The following HERC1 variants were observed in gnomAD, a reference collection of about 807,000 sequenced individuals.
HERC1 encodes the protein probable E3 ubiquitin-protein ligase HERC1.
HERC1 carries 160 observed loss-of-function variants against 554.3 expected under a neutral mutation model. The ratio of observed to expected loss-of-function variants is 0.29; its 90% CI spans 0.25 to 0.33. HERC1 has a LOEUF of 0.33. Ranked by LOEUF, HERC1 falls within the 10% of genes least tolerant of loss-of-function variation. The pLI is 1.00. For missense variants in HERC1, 4,919 were observed against 5,918.5 expected, an observed-to-expected ratio of 0.83 and a Z score of 5.54; for synonymous variants, 2,175 against 2,131.7, an observed-to-expected ratio of 1.02 and a Z score of -0.56.
Position 63,612,800 on chromosome 15 carries a change from A to C in HERC1, c.14095-244T>G, listed in dbSNP as rs2067658975. Among the ~76,000 whole-genome samples, 2 of 152,156 alleles carry C rather than the reference A, an allele frequency of 1.3e-5. No individual in the cohort carries two copies. The highest frequency in any genetic ancestry group is 2.9e-5 in the Non-Finnish European group (2 of 68,022). On this transcript the variant is annotated intron_variant, in intron 76 of 77. Transcript: ENST00000443617. The surrounding 1 kb of genome is among the most constrained non-coding windows in gnomAD (Gnocchi z 5.0). ...CCTGGTTCCAGTTCAAGTCCAATTT[A>C]GGAGCCTGCCTTCCCTCTACCACAA...
At chr15:63,643,676 T>TCCCC in intron 57 of HERC1, 126 bp from the exon 58 acceptor site, 1 of 608,950 alleles carries the variant, frequency 1.6e-6, no homozygotes, top group Non-Finnish European at 2.8e-6. Context: ...ATAATTTCTC[T>TCCCC]CATAAAGGAT....
intron 1 of HERC1, among the ~76,000 whole-genome samples, chr15:63,795,065 CAAAA>C (rs1177647525): frequency 1.4e-4 from 10 of 68,968 alleles, no homozygotes; most frequent in Non-Finnish European, 2.3e-4. Flanking sequence ...GACTCTGTCT[CAAAA>C]AAAAAAAAAA....
rs748825277 is a variant in HERC1, at chr15:63,756,938, C to T, written c.1222-190G>A. On this transcript the variant is annotated intron_variant, in intron 4 of 77. Transcript: ENST00000443617. The surrounding 1 kb of genome is among the most constrained non-coding windows in gnomAD (Gnocchi z 5.0). Reference sequence around the variant, plus strand: ...CCTTTTCATGCTCACAACTTTGTTGCTGAGTTCAAATTCTTCATGTATATG... The same window carrying T: ...CCTTTTCATGCTCACAACTTTGTTGTTGAGTTCAAATTCTTCATGTATATG... Among the ~76,000 whole-genome samples the T allele has an allele frequency of 3.3e-5, 5 of 152,118 alleles. No homozygotes were observed. The highest frequency in any genetic ancestry group is 5.9e-5 in the Non-Finnish European group (4 of 68,026).
At chr15:63,809,910 G>A (rs1371861770) in intron 1 of HERC1, among the ~76,000 whole-genome samples, 2 of 152,014 alleles carry the variant, frequency 1.3e-5, no homozygotes, top group Non-Finnish European at 2.9e-5. Context: ...GAACCCCTGG[G>A]TTTAAGCAAT....
At chr15:63,648,933 G>A (rs1484533899) in intron 54 of HERC1, among the ~76,000 whole-genome samples, 1 of 152,206 alleles carries the variant, frequency 6.6e-6, no homozygotes, top group African/African-American at 2.4e-5. Flanking sequence ...AAAATCTTGT[G>A]AGATGCATTC....
intron 1 of HERC1, among the ~76,000 whole-genome samples, chr15:63,792,234 A>G (rs754353523): frequency 2.5e-4 from 38 of 152,214 alleles, no homozygotes; most frequent in Non-Finnish European, 8.8e-5. Flanking sequence ...GGGCAAGAAC[A>G]CATACCCTCT....
Position 63,649,793 on chromosome 15 carries a change from C to T in HERC1, c.10679G>A (p.Gly3560Glu). ...GGACACATCAACAACTTCAATCAGT[C>T]CCAGAGATCCATCCATCCGTCCCAC... The part of the protein sequence containing the change: ...LLVGRMDGSL[G>E]LIEVVDVSTM... The change falls in exon 54 of 78, where the codon GGA (glycine) becomes GAA (glutamate). Residue 3560 changes from glycine (G) to glutamate (E), a missense_variant. Coordinates refer to ENST00000443617, the MANE Select transcript of HERC1 (RefSeq NM_003922.4). 6.2e-7 allele frequency: 1 copy of T among 1,613,682 alleles called. No homozygotes were observed. The highest frequency in any genetic ancestry group is 1.1e-5 in the South Asian group (1 of 90,964).
chr15:63,809,457 C>G (rs1021805715), intron 1 of HERC1, among the ~76,000 whole-genome samples: 6 of 152,144 alleles, frequency 3.9e-5, no homozygotes, highest in African/African-American at 7.2e-5. Context: ...TATAAAGATA[C>G]ATAAGCAATT....
chr15:63,649,585 A>C, intron 54 of HERC1, 140 bp downstream of exon 54: 1 of 658,626 alleles, frequency 1.5e-6, no homozygotes, highest in Non-Finnish European at 2.6e-6. Context: ...TAACTAATTA[A>C]AATTAAAACA....
intron 26 of HERC1, among the ~76,000 whole-genome samples, chr15:63,696,933 TAAA>T (rs10546655): frequency 2.4e-4 from 33 of 136,574 alleles, no homozygotes; most frequent in African/African-American, 4.3e-4. Context: ...CCTTCTTCTT[TAAA>T]AAAAAAAAAA....
At position 63,666,563 on chromosome 15, in the gene HERC1, T is replaced by C. The variant is rs1815130; in HGVS notation, c.8207-91A>G. 623,137 of 778,088 alleles carry C rather than the reference T, an allele frequency of 0.8. 263,493 individuals are homozygous for C. Among genetic ancestry groups the C allele is most frequent in the Non-Finnish European group, 0.88 (414,391 of 471,828 alleles). The allele number at this position is 778,088 out of a possible 1,614,324, so 48.2% of individuals were successfully genotyped here. On this transcript the variant is annotated intron_variant, in intron 40 of 77. Coordinates refer to ENST00000443617, the MANE Select transcript of HERC1 (RefSeq NM_003922.4). Reference sequence around the variant, plus strand: ...CATAGTCCTCAATTTCCTAGTATTGTCCAAGTTTAATGAAATTTTCCTCTA... The same window carrying C: ...CATAGTCCTCAATTTCCTAGTATTGCCCAAGTTTAATGAAATTTTCCTCTA...
Position 63,612,893 on chromosome 15 carries a change from C to A in HERC1, c.14095-337G>T, listed in dbSNP as rs144361668. Among the ~76,000 whole-genome samples the A allele has an allele frequency of 8.5e-4, 129 of 152,338 alleles. 2 individuals are homozygous for A. The East Asian group carries it at 0.022, about 26-fold the overall frequency. ...ACTCATATTCCTAATCATATGTGCC[C>A]ATGTGCTGTCAAACTATGCATGTGT... On this transcript the variant is annotated intron_variant, in intron 76 of 77. Transcript: ENST00000443617. This position sits in a 1 kb window ranked among gnomAD's most constrained non-coding sequence, Gnocchi z 5.0.
At chr15:63,684,933 C>G (rs1285325110) in intron 34 of HERC1, among the ~76,000 whole-genome samples, 1 of 152,174 alleles carries the variant, frequency 6.6e-6, no homozygotes, top group Non-Finnish European at 1.5e-5. Flanking sequence ...CGCTTGAACC[C>G]AGGAGGCGGA....
At chr15:63,757,261 A>C (rs1014135733) in intron 4 of HERC1, among the ~76,000 whole-genome samples, 1 of 89,864 alleles carries the variant, frequency 1.1e-5, no homozygotes, top group Non-Finnish European at 2.7e-5. Context: ...GTTTTTATTT[A>C]CTTTTTTTTT....
chr15:63,641,429 C>T, intron 60 of HERC1, 41 bp downstream of exon 60: 1 of 1,518,602 alleles, frequency 6.6e-7, no homozygotes, highest in South Asian at 1.2e-5. Context: ...TCCAAAGCAC[C>T]AGGTATCTGT....
At chr15:63,833,753 G>GCACACACACACACACACACACACACACA (rs778263359) in intron 1 of HERC1, 74 bp downstream of exon 1, 14 of 46,486 alleles carry the variant, frequency 3.0e-4, no homozygotes, top group Non-Finnish European at 7.7e-4. Flanking sequence ...ACGCGCGCGC[G>GCACACACACACACACACACACACACACA]CACACACACA....
intron 2 of HERC1, among the ~76,000 whole-genome samples, chr15:63,765,025 A>G (rs1170740123): frequency 6.6e-6 from 1 of 152,228 alleles, no homozygotes; most frequent in Non-Finnish European, 1.5e-5. Context: ...CACCCTGACA[A>G]AAGAAAAAAA....
rs1196605640 is a variant in HERC1 at position 63,662,971 on chromosome 15, C to A, written c.8901+13G>T. Reference sequence around the variant, plus strand: ...AAATAAGTCAGAGCAGCCCCCGCTGCAGTCACACACACCCAGGTAGGCCAA... The same window carrying A: ...AAATAAGTCAGAGCAGCCCCCGCTGAAGTCACACACACCCAGGTAGGCCAA... On this transcript the variant is annotated intron_variant, in intron 44 of 77. Coordinates refer to ENST00000443617, the MANE Select transcript of HERC1 (RefSeq NM_003922.4). The A allele has an allele frequency of 6.2e-7, 1 of 1,601,698 alleles. No individual in the cohort carries two copies. The highest frequency in any genetic ancestry group is 8.6e-7 in the Non-Finnish European group (1 of 1,168,952).
chr15:63,684,384 T>G (rs945366960), intron 34 of HERC1, among the ~76,000 whole-genome samples: 7 of 152,202 alleles, frequency 4.6e-5, no homozygotes, highest in African/African-American at 1.4e-4. Flanking sequence ...GAAGGTTTTA[T>G]AAACCTATTT....
Sources: gnomAD v4.1 joint callset for allele counts (sites outside exome capture counted in the v4.1 genomes callset) on GRCh38, gnomAD v4.1.1 for gene constraint, Gnocchi (gnomAD v3.1) non-coding constraint, MANE v1.5 for transcripts, NCBI Gene and HGNC (gene_info 2026-07-23, HGNC 2026-07-21) for gene names.